Variants in SLC9C2 observed in about 807,000 individuals in gnomAD.
The protein encoded by SLC9C2 is solute carrier family 9 member C2 (putative).
SLC9C2 carries 75 observed loss-of-function variants against 140.2 expected under a neutral mutation model. That is an observed-to-expected ratio of 0.53 (90% confidence interval 0.44 to 0.65). SLC9C2 has a LOEUF of 0.65. SLC9C2 is among the 30% of genes least tolerant of loss of function. The pLI, the probability that SLC9C2 is intolerant of heterozygous loss-of-function variation, is 0.00. For synonymous variants in SLC9C2, 375 were observed against 420.9 expected, an observed-to-expected ratio of 0.89 and a Z score of 1.34; for missense variants, 1,074 against 1,331.8, an observed-to-expected ratio of 0.81 and a Z score of 3.01.
Position 173,582,006 on chromosome 1 carries a change from A to C in SLC9C2, c.643T>G (p.Leu215Val). 1 of 1,516,920 alleles carries C rather than the reference A, an allele frequency of 6.6e-7. No homozygotes were observed. The highest frequency in any genetic ancestry group is 8.9e-7 in the Non-Finnish European group (1 of 1,127,924). The allele number at this position is 1,516,920 out of a possible 1,614,324, so 94.0% of individuals were successfully genotyped here. Residue 215 changes from leucine (L) to valine (V), a missense_variant and splice_region_variant, in exon 7 of 28, where the codon TTA (leucine) becomes GTA (valine). Transcript: ENST00000367714. ...TAGCTGAGTTCAATGCCTACATGTA[A>C]ATCTAAAAAAAAGAAAGAAAAAATA... is the stretch of plus-strand genomic sequence containing the variant. Reference protein sequence around the residue: ...NRIHFSIFRDLHVGIELSYDI... With the variant: ...NRIHFSIFRDVHVGIELSYDI...
Position 173,507,009 on chromosome 1 carries a change from A to C in SLC9C2, c.3072T>G (p.Asn1024Lys). ...TTGATAAAGTTTCCACATATGCTTG[A>C]TTGAACATCACACAGTTCTGAAACC... ...DLRFQNCVMF[N>K]QAYVETLSSY... The change falls in exon 25 of 28, where the codon AAT becomes AAG. Residue 1024 changes from asparagine to lysine, a missense_variant. By Grantham distance (94) the Asn-to-Lys change is moderately conservative. Transcript: ENST00000367714. The C allele has an allele frequency of 6.2e-7, 1 of 1,605,262 alleles. No individual in the cohort carries two copies.
At chr1:173,551,198 A>T (rs758046733) in intron 11 of SLC9C2, among the ~76,000 whole-genome samples, 1 of 152,144 alleles carries the variant, frequency 6.6e-6, no homozygotes, top group Non-Finnish European at 1.5e-5. Context: ...CTCCTTCAAC[A>T]TTATCCTTCC....
chr1:173,521,511 T>C, intron 21 of SLC9C2, 112 bp from the exon 22 acceptor site: 1 of 278,770 alleles, frequency 3.6e-6, no homozygotes, highest in Non-Finnish European at 6.7e-6. Flanking sequence ...TTTTATTATA[T>C]ATGTGTGTGT....
intron 9 of SLC9C2, among the ~76,000 whole-genome samples, chr1:173,565,995 G>A (rs550690806): frequency 1.6e-4 from 24 of 152,158 alleles, no homozygotes; most frequent in African/African-American, 5.3e-4. Context: ...ATTTGCATAT[G>A]TTGAACCATC....
At position 173,505,535 on chromosome 1, in the gene SLC9C2, G is replaced by A. The variant is rs768049515; in HGVS notation, c.3226-204C>T. On this transcript the variant is annotated intron_variant, in intron 25 of 27. Coordinates refer to ENST00000367714, the MANE Select transcript of SLC9C2 (RefSeq NM_178527.4). Reference sequence around the variant, plus strand: ...ATTGTCCTTGCATATTTAGACACCAGAGAGGAAATTTCTACACCTTACTCA... The same window carrying A: ...ATTGTCCTTGCATATTTAGACACCAAAGAGGAAATTTCTACACCTTACTCA... Among the ~76,000 whole-genome samples the A allele has an allele frequency of 5.3e-5, 8 of 152,172 alleles. No homozygotes were observed. In the East Asian group the frequency reaches 1.3e-3, roughly 26 times the overall value.
rs148203526 is a variant in SLC9C2, at chr1:173,524,906, C to T, written c.2387G>A (p.Arg796His). Residue 796 changes from arginine to histidine, a missense_variant, in exon 20 of 28, where the codon CGT becomes CAT. Transcript: ENST00000367714. ...KELVLMEHEG[R>H]DVVIALKTKQ... ...AGTCTTCAAAGCAATGACAACATCA[C>T]GACCCTCATGCTCCATGAGTACTAC... 150 of 1,613,986 alleles carry T rather than the reference C, an allele frequency of 9.3e-5. No homozygotes were observed. In the African/African-American group the frequency reaches 1.3e-3, roughly 14 times the overall value.
At chr1:173,501,159 C>A in intron 27 of SLC9C2, 62 bp from the exon 28 acceptor site, 2 of 1,443,968 alleles carry the variant, frequency 1.4e-6, no homozygotes, top group South Asian at 1.5e-5. Context: ...AACTTCTTAC[C>A]TATTAAATGG....
chr1:173,588,910 C>CA (rs35708187), intron 4 of SLC9C2, among the ~76,000 whole-genome samples: 115 of 143,430 alleles, frequency 8.0e-4, no homozygotes, highest in Admixed American at 2.9e-3. Flanking sequence ...CCCACCTCTA[C>CA]AAAAAAAAAA....
intron 18 of SLC9C2, among the ~76,000 whole-genome samples, chr1:173,529,116 A>G (rs1661395228): frequency 6.6e-6 from 1 of 152,228 alleles, no homozygotes; most frequent in African/African-American, 2.4e-5. Flanking sequence ...GATGGGTTGA[A>G]CAGAAGAAAG....
intron 26 of SLC9C2, among the ~76,000 whole-genome samples, chr1:173,504,870 T>C (rs1361390659): frequency 6.6e-6 from 1 of 152,234 alleles, no homozygotes; most frequent in East Asian, 1.9e-4. Context: ...TCCCTTCAGT[T>C]GCTGGGAGCA....
intron 23 of SLC9C2, among the ~76,000 whole-genome samples, chr1:173,517,172 CAAAT>C (rs776060423): frequency 1.1e-4 from 16 of 152,126 alleles, no homozygotes; most frequent in Non-Finnish European, 2.1e-4. Context: ...GTTTTAAAAA[CAAAT>C]AAATATTCTT....
chr1:173,572,187 C>G (rs1664883255), intron 9 of SLC9C2, among the ~76,000 whole-genome samples: 1 of 152,150 alleles, frequency 6.6e-6, no homozygotes, highest in Non-Finnish European at 1.5e-5. Flanking sequence ...CTAAATTATA[C>G]TAGGGAGCAA....
At chr1:173,535,140 T>C (rs1309287572) in intron 15 of SLC9C2, among the ~76,000 whole-genome samples, 1 of 152,144 alleles carries the variant, frequency 6.6e-6, no homozygotes, top group Non-Finnish European at 1.5e-5. Flanking sequence ...TCCTACACTT[T>C]TGATTTTTTG....
rs534153548 is a variant in SLC9C2 at position 173,544,611 on chromosome 1, T to A, written c.1557+3078A>T. ...AGCAAAGACTTGGAACCAACCCATATGTCCATCAATGATAGACTGGATTAA... is the reference window on the plus strand; with the variant it reads ...AGCAAAGACTTGGAACCAACCCATAAGTCCATCAATGATAGACTGGATTAA... On this transcript the variant is annotated intron_variant, in intron 13 of 27. Coordinates refer to ENST00000367714, the MANE Select transcript of SLC9C2 (RefSeq NM_178527.4). 2.0e-5 allele frequency among the ~76,000 whole-genome samples: 3 copies of A among 152,340 alleles called. No homozygotes were observed. In the South Asian group the frequency reaches 6.2e-4, roughly 32 times the overall value.
intron 3 of SLC9C2, 140 bp downstream of exon 3, chr1:173,599,968 TATTTTCCAA>T (rs1666689849): frequency 1.9e-6 from 1 of 520,764 alleles, no homozygotes; most frequent in Admixed American, 3.5e-5. Flanking sequence ...ACTGTGTGGT[TATTTTCCAA>T]ATTTTTTAAT....
At chr1:173,541,551 T>C (rs1162890107) in intron 13 of SLC9C2, among the ~76,000 whole-genome samples, 1 of 152,176 alleles carries the variant, frequency 6.6e-6, no homozygotes, top group East Asian at 1.9e-4. Flanking sequence ...ATCAACAGAA[T>C]ATACATTCTT....
At chr1:173,560,379 T>C (rs1268782966) in intron 9 of SLC9C2, among the ~76,000 whole-genome samples, 3 of 152,236 alleles carry the variant, frequency 2.0e-5, no homozygotes, top group African/African-American at 7.2e-5. Context: ...TCACTGCACA[T>C]TGCTCTGGGC....
chr1:173,532,335 C>G (rs1198241581), intron 17 of SLC9C2, among the ~76,000 whole-genome samples: 1 of 152,024 alleles, frequency 6.6e-6, no homozygotes, highest in Non-Finnish European at 1.5e-5. Flanking sequence ...TAAACAACAA[C>G]AAACATGGCA....
At chr1:173,600,287 T>C (rs1257083049) in intron 2 of SLC9C2, 70 bp from the exon 3 acceptor site, 4 of 1,064,426 alleles carry the variant, frequency 3.8e-6, no homozygotes, top group Non-Finnish European at 5.5e-6. Flanking sequence ...GTATCACTTT[T>C]GCACCATCCC....
Sources: allele counts gnomAD v4.1 joint callset (sites outside exome capture counted in the v4.1 genomes callset), GRCh38; gene constraint gnomAD v4.1.1; transcripts MANE v1.5; gene names NCBI Gene and HGNC (gene_info 2026-07-23, HGNC 2026-07-21).